MYO16: variants seen among roughly 807,000 people sequenced by gnomAD.
The protein encoded by MYO16 is unconventional myosin-XVI.
A neutral mutation model predicts 205.3 loss-of-function variants in MYO16; 94 were observed. The observed-to-expected ratio is 0.46, with a 90% CI of 0.39 to 0.54. MYO16 has a LOEUF of 0.54. MYO16 is among the 20% of genes least tolerant of loss of function. The pLI is 0.00. For synonymous variants in MYO16, 988 were observed against 954.0 expected (o/e 1.04, Z -0.66); for missense variants, 2,315 against 2,387.5 (o/e 0.97, Z 0.63).
chr13:109,052,278 T>C (rs749681051), intron 24 of MYO16, 22 bp from the exon 25 acceptor site: 3 of 1,598,990 alleles, frequency 1.9e-6, no homozygotes, highest in Non-Finnish European at 2.6e-6. Context: ...CCACTTACGA[T>C]ATTCATTTAT....
chr13:109,031,643 T>C (rs993545103), intron 23 of MYO16, among the ~76,000 whole-genome samples: 7 of 152,200 alleles, frequency 4.6e-5, no homozygotes, highest in African/African-American at 1.7e-4. Context: ...CATTTTTGTT[T>C]TTCACCTACC....
chr13:108,626,845 GTA>G (rs931454056), upstream of MYO16, among the ~76,000 whole-genome samples: 238 of 146,058 alleles, frequency 1.6e-3, 1 homozygote, highest in African/African-American at 4.9e-3. Flanking sequence ...ATATGTGTGT[GTA>G]TATATATATA....
chr13:109,154,996 G>A (rs1424181800), intron 32 of MYO16, among the ~76,000 whole-genome samples: 1 of 150,170 alleles, frequency 6.7e-6, no homozygotes, highest in Non-Finnish European at 1.5e-5. Flanking sequence ...TTTATGGCAG[G>A]GACAGAATAA....
At chr13:108,793,761 A>G in intron 6 of MYO16, 121 bp downstream of exon 6, 1 of 1,170,878 alleles carries the variant, frequency 8.5e-7, no homozygotes, top group Non-Finnish European at 1.2e-6. Flanking sequence ...AATACATGTC[A>G]ATTGTAGAAG....
intron 4 of MYO16, among the ~76,000 whole-genome samples, chr13:108,767,195 C>T (rs912769493): frequency 3.3e-5 from 5 of 152,038 alleles, no homozygotes; most frequent in East Asian, 1.9e-4. Context: ...CTCCGCCTCC[C>T]GGGTTCACGC....
intron 4 of MYO16, among the ~76,000 whole-genome samples, chr13:108,776,200 C>G (rs1168881951): frequency 6.6e-6 from 1 of 151,984 alleles, no homozygotes; most frequent in Non-Finnish European, 1.5e-5. Context: ...ACCTTTTTCA[C>G]AACAGGGCAT....
At chr13:109,159,273 C>G (rs1878244256) in intron 32 of MYO16, among the ~76,000 whole-genome samples, 1 of 152,152 alleles carries the variant, frequency 6.6e-6, no homozygotes, top group Non-Finnish European at 1.5e-5. Context: ...AAGATCAGCA[C>G]TCAAAGGTGG....
intron 27 of MYO16, among the ~76,000 whole-genome samples, chr13:109,073,214 G>C (rs138098702): frequency 6.6e-6 from 1 of 151,116 alleles, no homozygotes; most frequent in Non-Finnish European, 1.5e-5. Flanking sequence ...CGATTCTCCT[G>C]CCTCAGCATC....
chr13:108,652,124 T>C (rs903705478), intron 1 of MYO16, among the ~76,000 whole-genome samples: 2 of 152,112 alleles, frequency 1.3e-5, no homozygotes, highest in Admixed American at 6.6e-5. Flanking sequence ...GAGGAGTTGT[T>C]AGGAGCACAG....
intron 23 of MYO16, among the ~76,000 whole-genome samples, chr13:109,027,829 G>A (rs548730907): frequency 2.0e-5 from 3 of 152,156 alleles, no homozygotes; most frequent in Admixed American, 2.0e-4. Context: ...ACAGTACTTC[G>A]TAACATTTTG....
intron 31 of MYO16, among the ~76,000 whole-genome samples, chr13:109,133,834 A>T (rs949744159): frequency 2.0e-5 from 3 of 152,254 alleles, no homozygotes; most frequent in Non-Finnish European, 4.4e-5. Flanking sequence ...ACACATGCAC[A>T]CACACCCGGA....
At position 109,063,557 on chromosome 13, in the gene MYO16, T is replaced by G. The variant is rs561812255; in HGVS notation, c.3335+7962T>G. 2.0e-5 allele frequency among the ~76,000 whole-genome samples: 3 copies of G among 152,314 alleles called. No individual in the cohort carries two copies. The East Asian group carries it at 5.8e-4, about 29-fold the overall frequency. ...AAAGTTGAATGAGGGCATAGGAATG[T>G]GACTGGCACAAGAATGTGGCTGGCA... On this transcript the variant is annotated intron_variant, in intron 27 of 34. Transcript: ENST00000457511.
At chr13:108,782,893 T>G (rs1397224964) in intron 4 of MYO16, among the ~76,000 whole-genome samples, 3 of 152,170 alleles carry the variant, frequency 2.0e-5, no homozygotes, top group Non-Finnish European at 4.4e-5. Flanking sequence ...AGCCTAGATT[T>G]CAGAAGGTGT....
intron 4 of MYO16, among the ~76,000 whole-genome samples, chr13:108,744,003 CT>C (rs1183213241): frequency 6.6e-6 from 1 of 152,214 alleles, no homozygotes; most frequent in Non-Finnish European, 1.5e-5. Context: ...AGGTGATACC[CT>C]TTCGTAGAGA....
intron 1 of MYO16, among the ~76,000 whole-genome samples, chr13:108,610,882 T>C (rs1024553860): frequency 2.0e-5 from 3 of 152,168 alleles, no homozygotes; most frequent in African/African-American, 7.2e-5. Flanking sequence ...GTTAGTGCTC[T>C]TTTTCCTCTG....
At chr13:108,757,228 C>A (rs1048558540) in intron 4 of MYO16, among the ~76,000 whole-genome samples, 2 of 152,146 alleles carry the variant, frequency 1.3e-5, no homozygotes, top group Non-Finnish European at 2.9e-5. Flanking sequence ...CAGGAAAATT[C>A]TGAGAGAAAT....
intron 27 of MYO16, among the ~76,000 whole-genome samples, chr13:109,068,092 C>G (rs1023456125): frequency 1.3e-5 from 2 of 152,102 alleles, no homozygotes; most frequent in African/African-American, 4.8e-5. Flanking sequence ...GATCTATTTG[C>G]AACCCTAATT....
intron 2 of MYO16, among the ~76,000 whole-genome samples, chr13:108,702,813 A>G (rs181009242): frequency 1.5e-3 from 233 of 152,286 alleles, no homozygotes; most frequent in African/African-American, 5.4e-3. Context: ...GGGACAGCTG[A>G]CTATATAACA....
chr13:109,050,266 A>G (rs1352148301), intron 24 of MYO16, among the ~76,000 whole-genome samples: 2 of 151,286 alleles, frequency 1.3e-5, no homozygotes, highest in Admixed American at 6.6e-5. Flanking sequence ...TCTCTCTTTC[A>G]TGACTTTTTT....
Sources: allele counts gnomAD v4.1 joint callset (sites outside exome capture counted in the v4.1 genomes callset), GRCh38; gene constraint gnomAD v4.1.1; transcripts MANE v1.5; gene names NCBI Gene and HGNC (gene_info 2026-07-23, HGNC 2026-07-21).